Variants in NWD1 observed in about 807,000 individuals in gnomAD.
The protein encoded by NWD1 is NACHT and WD repeat domain containing 1.
A neutral mutation model predicts 135.1 loss-of-function variants in NWD1; 129 were observed. The observed-to-expected ratio is 0.96, with a 90% CI of 0.83 to 1.11. NWD1 has a LOEUF of 1.11. NWD1 is among the 50% of genes least tolerant of loss of function. The probability of loss-of-function intolerance (pLI) is 0.00; values close to 1 mark genes in which losing one functional copy is unlikely to be tolerated. For synonymous variants in NWD1, 773 were observed against 786.0 expected (o/e 0.98, Z 0.28); for missense variants, 1,740 against 1,851.3 (o/e 0.94, Z 1.10).
chr19:16,783,631 T>C (rs780106918), intron 12 of NWD1, among the ~76,000 whole-genome samples: 10 of 134,444 alleles, frequency 7.4e-5, no homozygotes, highest in Non-Finnish European at 1.2e-4. Context: ...CAAAACTCCA[T>C]CTCAAAAAAT....
At chr19:16,744,851 T>C in intron 5 of NWD1, 133 bp downstream of exon 5, 1 of 754,278 alleles carries the variant, frequency 1.3e-6, no homozygotes, top group South Asian at 1.6e-5. Flanking sequence ...CTCTGGTCCC[T>C]CGGCTCTGAG....
chr19:16,775,564 C>T (rs2122963987), intron 11 of NWD1, among the ~76,000 whole-genome samples: 1 of 152,308 alleles, frequency 6.6e-6, no homozygotes, highest in African/African-American at 2.4e-5. Flanking sequence ...ATTTTAAGGG[C>T]ACGACCTGGA....
At chr19:16,811,597 A>AAAAG (rs888253034) in intron 18 of NWD1, among the ~76,000 whole-genome samples, 2 of 151,720 alleles carry the variant, frequency 1.3e-5, no homozygotes, top group African/African-American at 2.4e-5. Flanking sequence ...AAAAAAAAAA[A>AAAAG]AAAGAAAGAA....
intron 6 of NWD1, among the ~76,000 whole-genome samples, chr19:16,757,804 C>A (rs1968853705): frequency 6.6e-6 from 1 of 152,206 alleles, no homozygotes; most frequent in Non-Finnish European, 1.5e-5. Context: ...CTAATCCCAA[C>A]ACTTTGGGAG....
chr19:16,756,281 A>G (rs963187470), intron 6 of NWD1, among the ~76,000 whole-genome samples: 1 of 152,104 alleles, frequency 6.6e-6, no homozygotes, highest in African/African-American at 2.4e-5. Flanking sequence ...AGGAAGAAAA[A>G]TACATGTACT....
At chr19:16,785,953 C>T (rs1182176041) in intron 12 of NWD1, among the ~76,000 whole-genome samples, 1 of 151,868 alleles carries the variant, frequency 6.6e-6, no homozygotes, top group African/African-American at 2.4e-5. Flanking sequence ...CAACCTCCGC[C>T]TCCCAGGTTC....
intron 11 of NWD1, among the ~76,000 whole-genome samples, chr19:16,775,913 T>C (rs1027403319): frequency 2.0e-5 from 3 of 152,126 alleles, no homozygotes; most frequent in Non-Finnish European, 2.9e-5. Context: ...GGTGATCGCC[T>C]ACCTTGGCCT....
At chr19:16,738,172 CAG>C (rs1323588612) in intron 4 of NWD1, 2 of 447,970 alleles carry the variant, frequency 4.5e-6, no homozygotes, top group Non-Finnish European at 4.5e-6. Context: ...GTCGTTCTGA[CAG>C]AGACCATCTG....
chr19:16,744,089 G>C (rs8110060), intron 4 of NWD1, among the ~76,000 whole-genome samples: 22,673 of 152,108 alleles, frequency 0.15, 4,176 homozygotes, highest in African/African-American at 0.44. Flanking sequence ...TTGAATTGGA[G>C]AAAGAATAGT....
At chr19:16,755,378 C>T (rs1477071770) in intron 6 of NWD1, among the ~76,000 whole-genome samples, 1 of 151,806 alleles carries the variant, frequency 6.6e-6, no homozygotes, top group Non-Finnish European at 1.5e-5. Context: ...CCACCACACC[C>T]AGTTATTTAT....
rs1340600427 is a variant in NWD1 at position 16,749,185 on chromosome 19, G to A, written c.543G>A (p.Arg181=). The change falls in exon 6 of 19, where the codon CGG becomes CGA. Residue 181 remains arginine, a synonymous_variant. Transcript: ENST00000524140. ...GGAGCCTGCTGAGCTCAGAGGACCG[G>A]GAACAGGGAGCCACCGTCTTCCTTA... ...IERSLLSSED[R]EQGATVFLRE... 6.2e-7 allele frequency: 1 copy of A among 1,613,242 alleles called. No individual in the cohort carries two copies. Among genetic ancestry groups the A allele is most frequent in the Non-Finnish European group, 8.5e-7 (1 of 1,179,600 alleles).
At position 16,742,635 on chromosome 19, in the gene NWD1, C is replaced by A. The variant is rs146450477; in HGVS notation, c.199-1786C>A. Among the ~76,000 whole-genome samples, 888 of 151,920 alleles carry A rather than the reference C, an allele frequency of 5.8e-3. 8 individuals are homozygous for A. Among genetic ancestry groups the A allele is most frequent in the African/African-American group, 0.018 (755 of 41,468 alleles). ...GGACCAGAACTAGAATGGAGAACCA[C>A]CACAAGATTTAATTTAAATCTTAAT... On this transcript the variant is annotated intron_variant, in intron 4 of 18. Transcript: ENST00000524140.
At chr19:16,741,230 C>A (rs538903215) in intron 4 of NWD1, among the ~76,000 whole-genome samples, 16 of 152,268 alleles carry the variant, frequency 1.1e-4, no homozygotes, top group Non-Finnish European at 2.1e-4. Context: ...GTGCCTTAGT[C>A]GCTGTGCCCT....
Position 16,807,927 on chromosome 19 carries a change from T to C in NWD1, c.4078T>C (p.Tyr1360His), listed in dbSNP as rs1970804542. 3.1e-6 allele frequency: 5 copies of C among 1,614,166 alleles called. No individual in the cohort carries two copies. Among genetic ancestry groups the C allele is most frequent in the Non-Finnish European group, 3.4e-6 (4 of 1,180,024 alleles). The change falls in exon 18 of 19, where the codon TAC becomes CAC. Residue 1360 changes from tyrosine (Y) to histidine (H), a missense_variant. By Grantham distance (83) the Tyr-to-His change is moderately conservative. Transcript: ENST00000524140. ...TLSSVAILTDYRVVYSMTNGD... is the reference protein window; with the variant it reads ...TLSSVAILTDHRVVYSMTNGD... ...CTCCAGCGTGGCCATTCTGACGGAC[T>C]ACCGCGTGGTCTACAGCATGACCAA...
rs1238972094 is a variant in NWD1 at position 16,797,742 on chromosome 19, A to G, written c.3315A>G (p.Arg1105=). 9.3e-6 allele frequency: 15 copies of G among 1,613,916 alleles called. No individual in the cohort carries two copies. Among genetic ancestry groups the G allele is most frequent in the African/African-American group, 2.7e-5 (2 of 75,036 alleles). The part of the protein sequence containing the change: ...DESLLAAGFG[R]SVRIFLADSR... ...TTCCTGCCGTTTCAGGCTTTGGAAG[A>G]TCGGTGCGGATATTCTTGGCGGACT... The change falls in exon 16 of 19, where the codon AGA becomes AGG. Residue 1105 remains arginine, a synonymous_variant. Coordinates refer to ENST00000524140, the MANE Select transcript of NWD1 (RefSeq NM_001007525.5).
rs1350492566 is a variant in NWD1, at chr19:16,736,738, G to A, written c.186G>A (p.Gly62=). 1 of 1,531,402 alleles carries A rather than the reference G, an allele frequency of 6.5e-7. No individual in the cohort carries two copies. The highest frequency in any genetic ancestry group is 2.4e-5 in the East Asian group (1 of 40,892). 94.9% of individuals were successfully genotyped at this position (1,531,402 alleles called of 1,614,324 possible). A position where few individuals can be genotyped will look rare whatever the true frequency, so the allele number is the denominator to read the frequency against. The change falls in exon 4 of 19, where the codon GGG becomes GGA. Residue 62 remains glycine (G), a synonymous_variant. Coordinates refer to ENST00000524140, the MANE Select transcript of NWD1 (RefSeq NM_001007525.5). The part of the protein sequence containing the change: ...EVDRCWKTSI[G]PAFVALIGDQ... ...ACCGGTGTTGGAAAACATCCATAGG[G>A]CCAGCTTTTGTTGTGAGTGTCTTGG...
At chr19:16,792,491 A>G (rs1404127136) in intron 14 of NWD1, among the ~76,000 whole-genome samples, 1 of 152,140 alleles carries the variant, frequency 6.6e-6, no homozygotes, top group African/African-American at 2.4e-5. Context: ...AGCCTGGCCA[A>G]CATGAAGAAA....
Position 16,797,941 on chromosome 19 carries a change from G to A in NWD1, c.3459+55G>A. ...CACCTCCACCTCGGGAACAGACACT[G>A]ATTCTTTAGGGATTTTTGGCTGCAA... On this transcript the variant is annotated intron_variant, in intron 16 of 18. Transcript: ENST00000524140. 2.6e-6 allele frequency: 4 copies of A among 1,518,212 alleles called. No individual in the cohort carries two copies. The South Asian group carries it at 3.6e-5, about 14-fold the overall frequency. 94.0% of individuals were successfully genotyped at this position (1,518,212 alleles called of 1,614,324 possible).
intron 4 of NWD1, among the ~76,000 whole-genome samples, chr19:16,739,775 G>A (rs1276625693): frequency 6.6e-6 from 1 of 152,164 alleles, no homozygotes; most frequent in Non-Finnish European, 1.5e-5. Flanking sequence ...CTTTTAGAGA[G>A]GCTCCTGTCT....
Sources: gnomAD v4.1 joint callset for allele counts (sites outside exome capture counted in the v4.1 genomes callset) on GRCh38, gnomAD v4.1.1 for gene constraint, MANE v1.5 for transcripts, NCBI Gene and HGNC (gene_info 2026-07-23, HGNC 2026-07-21) for gene names.